SEMA6D: variants seen among roughly 807,000 people sequenced by gnomAD.
SEMA6D encodes semaphorin-6D.
In SEMA6D, 35 loss-of-function variants were observed where a neutral mutation model predicts 106.6. The ratio of observed to expected loss-of-function variants is 0.33; its 90% confidence interval spans 0.25 to 0.44. The LOEUF is 0.44. Ranked by LOEUF, SEMA6D falls within the 20% of genes least tolerant of loss-of-function variation. The probability of loss-of-function intolerance (pLI) is 1.00; values close to 1 mark genes in which losing one functional copy is unlikely to be tolerated. For missense variants in SEMA6D, 1,185 were observed against 1,345.9 expected (o/e 0.88, Z 1.87); for synonymous variants, 499 against 487.7 (o/e 1.02, Z -0.31).
At chr15:47,283,936 A>G (rs935128354) in intron 1 of SEMA6D, among the ~76,000 whole-genome samples, 3 of 152,008 alleles carry the variant, frequency 2.0e-5, no homozygotes, top group African/African-American at 7.3e-5. Context: ...TATAACCTCC[A>G]TTTCTATTTG....
intron 4 of SEMA6D, among the ~76,000 whole-genome samples, chr15:47,663,547 G>T (rs773119328): frequency 2.0e-5 from 3 of 152,054 alleles, no homozygotes; most frequent in Non-Finnish European, 2.9e-5. Flanking sequence ...TCCTAATGGT[G>T]CCCAGAAATG....
In SEMA6D at chr15:47,604,732, G is replaced by A. The variant is rs75461882; in HGVS notation, c.-55+3836G>A. Among the ~76,000 whole-genome samples the A allele has an allele frequency of 3.3e-3, 509 of 152,200 alleles. 2 individuals carry two copies. The highest frequency in any genetic ancestry group is 0.012 in the African/African-American group (493 of 41,530). Reference sequence around the variant, plus strand: ...GAGTAGCTATAAGGAATTATTCACTGTAATAGTTTGCTGGAGTGCAGTGGC... The same window carrying A: ...GAGTAGCTATAAGGAATTATTCACTATAATAGTTTGCTGGAGTGCAGTGGC... On this transcript the variant is annotated intron_variant, in intron 4 of 19. Coordinates refer to the SEMA6D transcript ENST00000558014.
At chr15:47,730,436 A>C (rs1423872098) in intron 1 of SEMA6D, 3 of 1,417,186 alleles carry the variant, frequency 2.1e-6, no homozygotes, top group African/African-American at 1.4e-5. Flanking sequence ...GGCAGGCAAG[A>C]AGACAACCAG....
intron 1 of SEMA6D, among the ~76,000 whole-genome samples, chr15:47,720,874 G>A (rs1489712488): frequency 6.6e-6 from 1 of 152,238 alleles, no homozygotes; most frequent in African/African-American, 2.4e-5. Flanking sequence ...TTTATGCAGA[G>A]TTAAGAGCCT....
At chr15:47,252,689 C>T (rs2033590506) in intron 1 of SEMA6D, among the ~76,000 whole-genome samples, 1 of 152,152 alleles carries the variant, frequency 6.6e-6, no homozygotes, top group Non-Finnish European at 1.5e-5. Context: ...AACATTATGT[C>T]CTCTGGGTTT....
At chr15:47,412,132 C>T (rs1450283915) in intron 1 of SEMA6D, among the ~76,000 whole-genome samples, 1 of 151,890 alleles carries the variant, frequency 6.6e-6, no homozygotes, top group African/African-American at 2.4e-5. Context: ...CATTATTTGT[C>T]CTGCTTGTAT....
intron 4 of SEMA6D, among the ~76,000 whole-genome samples, chr15:47,709,056 C>T (rs549560115): frequency 6.6e-6 from 1 of 152,272 alleles, no homozygotes; most frequent in East Asian, 1.9e-4. Context: ...GGCCTTCTTG[C>T]CCTTTGTCTT....
chr15:47,636,719 G>A (rs921468262), intron 4 of SEMA6D, among the ~76,000 whole-genome samples: 4 of 152,146 alleles, frequency 2.6e-5, no homozygotes, highest in East Asian at 3.8e-4. Flanking sequence ...CTGTCCTAGC[G>A]TCCAAGGGAA....
At chr15:47,319,978 C>T (rs781447002) in intron 1 of SEMA6D, among the ~76,000 whole-genome samples, 1 of 152,118 alleles carries the variant, frequency 6.6e-6, no homozygotes. Flanking sequence ...GTCTCTAAGT[C>T]ACAACTCCCT....
chr15:47,222,461 T>C (rs2031293860), intron 1 of SEMA6D, among the ~76,000 whole-genome samples: 1 of 152,220 alleles, frequency 6.6e-6, no homozygotes, highest in Non-Finnish European at 1.5e-5. Flanking sequence ...AGCCCCTGGA[T>C]AAAATTGTCT....
intron 1 of SEMA6D, among the ~76,000 whole-genome samples, chr15:47,207,939 A>G (rs755179520): frequency 4.0e-5 from 6 of 150,848 alleles, no homozygotes; most frequent in Non-Finnish European, 7.4e-5. Context: ...AGGTACCAAT[A>G]ATGGACAGGA....
chr15:47,694,900 T>A (rs753928872), intron 4 of SEMA6D, among the ~76,000 whole-genome samples: 2 of 152,002 alleles, frequency 1.3e-5, no homozygotes. Context: ...AATTATTGAG[T>A]TGGTAGTGAT....
intron 1 of SEMA6D, among the ~76,000 whole-genome samples, chr15:47,755,420 C>T (rs568725083): frequency 1.3e-5 from 2 of 152,174 alleles, no homozygotes; most frequent in Non-Finnish European, 2.9e-5. Context: ...TTTTTTCTCT[C>T]TCTCTTAGCT....
In SEMA6D at chr15:47,359,675, C is replaced by T. The variant is rs1200142555; in HGVS notation, c.-238-52718C>T. On this transcript the variant is annotated intron_variant, in intron 1 of 19. Transcript: ENST00000558014. ...ATATCTACTAAGTTCACTGAAAGAA[C>T]GAAAGTAGAAAAAAGAGAAAGCAAA... The T allele has an allele frequency of 7.2e-5, 11 of 151,734 alleles. No homozygotes were observed. In the East Asian group the frequency reaches 1.7e-3, roughly 24 times the overall value. The allele number at this position is 151,734 out of a possible 1,614,324, so 9.4% of individuals were successfully genotyped here.
intron 1 of SEMA6D, among the ~76,000 whole-genome samples, chr15:47,234,181 C>T (rs1034482105): frequency 2.0e-5 from 3 of 151,920 alleles, no homozygotes; most frequent in Non-Finnish European, 4.4e-5. Context: ...AATGCAGTCC[C>T]AGGGCTGTTC....
At chr15:47,607,065 T>C (rs954213143) in intron 4 of SEMA6D, among the ~76,000 whole-genome samples, 10 of 151,366 alleles carry the variant, frequency 6.6e-5, no homozygotes, top group Non-Finnish European at 1.3e-4. Flanking sequence ...CTAAGAAGGC[T>C]TAAATAAAAT....
At chr15:47,506,668 C>T (rs757751299) in intron 3 of SEMA6D, among the ~76,000 whole-genome samples, 8 of 151,782 alleles carry the variant, frequency 5.3e-5, no homozygotes, top group Non-Finnish European at 1.0e-4. Flanking sequence ...CCCAGTGCCT[C>T]ATTTTATAAA....
chr15:47,440,872 T>C, intron 2 of SEMA6D, among the ~76,000 whole-genome samples: 1 of 152,128 alleles, frequency 6.6e-6, no homozygotes, highest in East Asian at 1.9e-4. Context: ...CACATTTTTA[T>C]GGAATCTGCT....
intron 1 of SEMA6D, among the ~76,000 whole-genome samples, chr15:47,372,399 G>T (rs185339426): frequency 6.6e-6 from 1 of 152,134 alleles, no homozygotes; most frequent in African/African-American, 2.4e-5. Flanking sequence ...GAAATAACAT[G>T]GACATTCTTT....
Sources: allele counts gnomAD v4.1 joint callset (sites outside exome capture counted in the v4.1 genomes callset), GRCh38; gene constraint gnomAD v4.1.1; transcripts MANE v1.5; gene names NCBI Gene and HGNC (gene_info 2026-07-23, HGNC 2026-07-21).